The following RP1 variants were observed in gnomAD, a reference collection of about 807,000 sequenced individuals.
RP1 encodes the protein oxygen-regulated protein 1.
In RP1, 16 loss-of-function variants were observed where a neutral mutation model predicts 14.8. The ratio of observed to expected loss-of-function variants is 1.08; its 90% CI spans 0.73 to 1.65. RP1 has a LOEUF of 1.65. Ranked by LOEUF, RP1 falls within the 40% of genes most tolerant of loss-of-function variation. RP1 has a pLI of 0.00. For synonymous variants in RP1, 876 were observed against 883.6 expected (o/e 0.99, Z 0.15); for missense variants, 2,631 against 2,535.0 (o/e 1.04, Z -0.81).
Position 54,629,793 on chromosome 8 carries a change from A to G in RP1, c.5911A>G (p.Asn1971Asp). ...QTDKNVFREENNKASMRQNLI... is the reference protein window; with the variant it reads ...QTDKNVFREEDNKASMRQNLI... Reference sequence around the variant, plus strand: ...AGACAAAAATGTGTTCAGGGAAGAGAACAATAAAGCAAGTATGAGACAAAA... The same window carrying G: ...AGACAAAAATGTGTTCAGGGAAGAGGACAATAAAGCAAGTATGAGACAAAA... Residue 1971 changes from asparagine (N) to aspartate (D), a missense_variant, in exon 4 of 4, where the codon AAC becomes GAC. Asn to Asp is a conservative substitution (Grantham distance 23, BLOSUM62 1). Coordinates refer to ENST00000220676, the MANE Select transcript of RP1 (RefSeq NM_006269.2). 1 of 1,611,376 alleles carries G rather than the reference A, an allele frequency of 6.2e-7. No homozygotes were observed. The highest frequency in any genetic ancestry group is 1.1e-5 in the South Asian group (1 of 90,530).
chr8:54,792,415 C>G (rs1189218588), intron 24 of RP1, among the ~76,000 whole-genome samples: 3 of 151,850 alleles, frequency 2.0e-5, no homozygotes, highest in African/African-American at 4.8e-5. Flanking sequence ...ACATACTATT[C>G]TCAAGGGCAC....
At chr8:54,715,244 A>T (rs1188403080) in intron 15 of RP1, among the ~76,000 whole-genome samples, 1 of 152,222 alleles carries the variant, frequency 6.6e-6, no homozygotes, top group Non-Finnish European at 1.5e-5. Flanking sequence ...CAGATATTCT[A>T]ACCTGGCTAT....
At chr8:54,869,799 C>A in intron 28 of RP1, 1 of 827,574 alleles carries the variant, frequency 1.2e-6, no homozygotes, top group Non-Finnish European at 1.6e-6. Context: ...AGCCTCCTTT[C>A]AATGCTCTCT....
chr8:54,602,938 C>A (rs1805327226), intron 1 of RP1, among the ~76,000 whole-genome samples: 1 of 152,082 alleles, frequency 6.6e-6, no homozygotes, highest in Non-Finnish European at 1.5e-5. Context: ...TGGATATTAG[C>A]CCTTTGTTAG....
Position 54,629,406 on chromosome 8 carries a change from T to G in RP1, c.5524T>G (p.Cys1842Gly). 6.2e-7 allele frequency: 1 copy of G among 1,614,144 alleles called. No individual in the cohort carries two copies. Among genetic ancestry groups the G allele is most frequent in the Non-Finnish European group, 8.5e-7 (1 of 1,179,988 alleles). Residue 1842 changes from cysteine to glycine, a missense_variant, in exon 4 of 4, where the codon TGT (cysteine) becomes GGT (glycine). Coordinates refer to ENST00000220676, the MANE Select transcript of RP1 (RefSeq NM_006269.2). ...EDLLDVRNET[C>G]AKERIANHHT... ...CTTGCTGGATGTTCGCAATGAAACC[T>G]GTGCCAAGGAAAGAATAGCAAATCA... is the stretch of plus-strand genomic sequence containing the variant.
chr8:54,852,881 TG>T (rs1165234709), intron 26 of RP1, among the ~76,000 whole-genome samples: 4 of 152,246 alleles, frequency 2.6e-5, no homozygotes, highest in African/African-American at 9.6e-5. Context: ...TGCATGTTAT[TG>T]TTCTGGAGTT....
At chr8:54,714,789 C>A (rs1808363849) in intron 15 of RP1, among the ~76,000 whole-genome samples, 1 of 152,236 alleles carries the variant, frequency 6.6e-6, no homozygotes, top group African/African-American at 2.4e-5. Flanking sequence ...GCAAGATGAA[C>A]TTGTCAGTGG....
rs573201646 is a variant in RP1, at chr8:54,594,371, G to C, written c.-12-26584G>C. ...CACTTTGTGTTGGACCTCAGTGTTG[G>C]CAGCTAAGCTGTTGGATCTGGCAGG... On this transcript the variant is annotated intron_variant, in intron 1 of 22. Transcript: ENST00000636932. Among the ~76,000 whole-genome samples the C allele has an allele frequency of 2.6e-5, 4 of 152,338 alleles. No individual in the cohort carries two copies. In the South Asian group the frequency reaches 8.3e-4, roughly 32 times the overall value.
chr8:54,794,051 G>T (rs1028998945), intron 24 of RP1, among the ~76,000 whole-genome samples: 2 of 151,786 alleles, frequency 1.3e-5, no homozygotes, highest in African/African-American at 4.8e-5. Flanking sequence ...ATTGTTGAAA[G>T]AAATTAAAGT....
chr8:54,735,066 C>A lies in RP1; in HGVS notation c.2721+322C>A, dbSNP rs370509374. ...GCTTATAAGCTGTATAGAGATTATTCTGGTAATGAAAACTCTTCTTTTATA... is the reference window on the plus strand; with the variant it reads ...GCTTATAAGCTGTATAGAGATTATTATGGTAATGAAAACTCTTCTTTTATA... On this transcript the variant is annotated intron_variant, in intron 18 of 22. Transcript: ENST00000636932. 2.1e-3 allele frequency among the ~76,000 whole-genome samples: 319 copies of A among 152,188 alleles called. 10 individuals carry two copies. In the South Asian group the frequency reaches 0.061, roughly 29 times the overall value.
intron 23 of RP1, chr8:54,783,509 C>T (rs1563375274): frequency 1.8e-6 from 2 of 1,087,406 alleles, no homozygotes; most frequent in Non-Finnish European, 2.3e-6. Flanking sequence ...TGTGTTTTTC[C>T]CCTATACTTT....
At chr8:54,612,358 C>T (rs1805618790), upstream of RP1, among the ~76,000 whole-genome samples, 1 of 152,138 alleles carries the variant, frequency 6.6e-6, no homozygotes. Flanking sequence ...CAGCTGCCTG[C>T]CATGGGGCTG....
chr8:54,680,818 C>A (rs1028006637), intron 12 of RP1, among the ~76,000 whole-genome samples: 1 of 151,722 alleles, frequency 6.6e-6, no homozygotes, highest in Non-Finnish European at 1.5e-5. Flanking sequence ...ATTAGCCGGG[C>A]GTGGTGGTGG....
At chr8:54,786,629 T>C (rs949018063) in intron 24 of RP1, among the ~76,000 whole-genome samples, 10 of 152,166 alleles carry the variant, frequency 6.6e-5, no homozygotes, top group Non-Finnish European at 1.3e-4. Context: ...AATCCTTTGA[T>C]TAATTTTCAG....
rs368039492 is a variant in RP1, at chr8:54,621,387, C to A, written c.421C>A (p.Pro141Thr). The A allele has an allele frequency of 1.2e-6, 2 of 1,613,016 alleles. No homozygotes were observed. ...RAISAHSPPHPVAVAAPGMPR... is the reference protein window; with the variant it reads ...RAISAHSPPHTVAVAAPGMPR... ...CATTAGCGCGCACTCACCGCCCCACCCCGTAGCCGTCGCTGCTCCCGGCAT... is the reference window on the plus strand; with the variant it reads ...CATTAGCGCGCACTCACCGCCCCACACCGTAGCCGTCGCTGCTCCCGGCAT... Residue 141 changes from proline (P) to threonine (T), a missense_variant, in exon 2 of 4, where the codon CCC becomes ACC. Pro to Thr is a conservative substitution (Grantham distance 38, BLOSUM62 -1). Transcript: ENST00000220676.
At chr8:54,737,743 TA>T (rs560266707) in intron 18 of RP1, among the ~76,000 whole-genome samples, 53 of 151,878 alleles carry the variant, frequency 3.5e-4, no homozygotes, top group African/African-American at 1.1e-3. Context: ...GGTGGGCACT[TA>T]AAAAAAAGAA....
intron 19 of RP1, among the ~76,000 whole-genome samples, chr8:54,746,469 A>C (rs1186713846): frequency 6.6e-6 from 1 of 152,180 alleles, no homozygotes; most frequent in African/African-American, 2.4e-5. Flanking sequence ...CGTCCAAAAC[A>C]CTGTTGTAGA....
chr8:54,571,538 G>GGTTC (rs1444609712), intron 1 of RP1, among the ~76,000 whole-genome samples: 2 of 152,200 alleles, frequency 1.3e-5, no homozygotes, highest in African/African-American at 4.8e-5. Flanking sequence ...CAGCATGGAT[G>GGTTC]GTTCCACTTA....
At chr8:54,663,469 T>A (rs1169351360) in intron 6 of RP1, among the ~76,000 whole-genome samples, 1 of 152,202 alleles carries the variant, frequency 6.6e-6, no homozygotes, top group African/African-American at 2.4e-5. Context: ...ATCAATTTTA[T>A]TGTTATTGTT....
Sources: gnomAD v4.1 joint callset for allele counts (sites outside exome capture counted in the v4.1 genomes callset) on GRCh38, gnomAD v4.1.1 for gene constraint, MANE v1.5 for transcripts, NCBI Gene and HGNC (gene_info 2026-07-23, HGNC 2026-07-21) for gene names.